Variants in ATP9A observed in about 807,000 individuals in gnomAD.
ATP9A encodes probable phospholipid-transporting ATPase IIA.
In ATP9A, 52 loss-of-function variants were observed where a neutral mutation model predicts 144.1. The ratio of observed to expected loss-of-function variants is 0.36; its 90% CI spans 0.29 to 0.45. ATP9A has a LOEUF of 0.45. Among genes scored for constraint, ATP9A ranks in the 20% least tolerant of loss-of-function variants. The pLI, the probability that ATP9A is intolerant of heterozygous loss-of-function variation, is 1.00. For missense variants in ATP9A, 947 were observed against 1,392.7 expected, an observed-to-expected ratio of 0.68 and a Z score of 5.09; for synonymous variants, 582 against 557.4, an observed-to-expected ratio of 1.04 and a Z score of -0.62.
chr20:51,659,773 T>C (rs2077403608), intron 13 of ATP9A, among the ~76,000 whole-genome samples: 1 of 152,238 alleles, frequency 6.6e-6, no homozygotes, highest in South Asian at 2.1e-4. Context: ...AATTTTTTAA[T>C]ACTATTTTTA....
intron 1 of ATP9A, among the ~76,000 whole-genome samples, chr20:51,750,764 G>A (rs182427380): frequency 1.0e-3 from 159 of 152,250 alleles, no homozygotes; most frequent in African/African-American, 3.8e-3. Context: ...CCTCTTAGCT[G>A]GAGTCTGGCA....
At chr20:51,762,275 C>T (rs1445166943) in intron 1 of ATP9A, among the ~76,000 whole-genome samples, 1 of 151,944 alleles carries the variant, frequency 6.6e-6, no homozygotes, top group Non-Finnish European at 1.5e-5. Context: ...CCAAGGTGAG[C>T]GGATCATGAG....
chr20:51,670,133 G>A (rs768595554), intron 12 of ATP9A, 24 bp from the exon 13 acceptor site: 7 of 1,557,280 alleles, frequency 4.5e-6, no homozygotes, highest in Non-Finnish European at 6.2e-6. Flanking sequence ...CAAATGAGTG[G>A]CCGGCCTGTC....
intron 13 of ATP9A, among the ~76,000 whole-genome samples, chr20:51,664,300 A>C (rs1246704593): frequency 6.6e-6 from 1 of 152,150 alleles, no homozygotes; most frequent in Non-Finnish European, 1.5e-5. Flanking sequence ...AAAAATGAAA[A>C]ACAGGGCTGG....
chr20:51,622,193 A>T (rs2077229754), intron 18 of ATP9A, 21 bp from the exon 19 acceptor site: 1 of 1,606,186 alleles, frequency 6.2e-7, no homozygotes, highest in African/African-American at 1.3e-5. Context: ...GGCGTGACAG[A>T]GGTCCTGTTT....
At chr20:51,664,633 T>C (rs368174795) in intron 13 of ATP9A, among the ~76,000 whole-genome samples, 3 of 151,904 alleles carry the variant, frequency 2.0e-5, no homozygotes, top group African/African-American at 4.8e-5. Context: ...AAATGAAAAA[T>C]AGCATTTCTC....
chr20:51,739,282 G>A (rs541912319), intron 1 of ATP9A, among the ~76,000 whole-genome samples: 18 of 151,570 alleles, frequency 1.2e-4, no homozygotes, highest in African/African-American at 2.7e-4. Context: ...TTCCAAGTAC[G>A]TCCTTTCTTA....
chr20:51,703,268 T>G (rs1163897301), intron 4 of ATP9A, among the ~76,000 whole-genome samples: 2 of 152,170 alleles, frequency 1.3e-5, no homozygotes, highest in African/African-American at 4.8e-5. Flanking sequence ...TCTTATAAAG[T>G]GCACAGGAAA....
intron 14 of ATP9A, among the ~76,000 whole-genome samples, chr20:51,651,402 T>TACATATTATAAATATGCATATC (rs1190292249): frequency 6.9e-6 from 1 of 144,542 alleles, no homozygotes; most frequent in Non-Finnish European, 1.5e-5. Context: ...TGTAAATATT[T>TACATATTATAAATATGCATATC]ACATATTATA....
In ATP9A at chr20:51,605,830, T is replaced by C. The variant is rs1041230379; in HGVS notation, c.2804-810A>G. The stretch of plus-strand genomic sequence containing the variant: ...CGGGAGGCTGAGGCACGAGAATTTC[T>C]TAAACCTGGGAGGTGGAAGTTGCAG... On this transcript the variant is annotated intron_variant, in intron 26 of 27. Coordinates refer to ENST00000338821, the MANE Select transcript of ATP9A (RefSeq NM_006045.3). Among the ~76,000 whole-genome samples, 6 of 151,624 alleles carry C rather than the reference T, an allele frequency of 4.0e-5. No homozygotes were observed. The East Asian group carries it at 7.7e-4, about 20-fold the overall frequency.
At chr20:51,671,352 C>T (rs2077455265) in intron 11 of ATP9A, 95 bp from the exon 12 acceptor site, 17 of 1,408,762 alleles carry the variant, frequency 1.2e-5, no homozygotes, top group Non-Finnish European at 1.5e-5. Flanking sequence ...TGTGCCATCG[C>T]ATCCGGACTC....
chr20:51,625,814 G>T (rs1271314765), intron 17 of ATP9A, among the ~76,000 whole-genome samples: 1 of 152,214 alleles, frequency 6.6e-6, no homozygotes, highest in Admixed American at 6.5e-5. Context: ...CCAAACTGCC[G>T]CTTCTTCTCT....
intron 1 of ATP9A, among the ~76,000 whole-genome samples, chr20:51,737,906 G>A (rs1238965523): frequency 6.6e-6 from 1 of 152,034 alleles, no homozygotes; most frequent in Non-Finnish European, 1.5e-5. Context: ...CTATCTATAT[G>A]CTATACTCTA....
intron 13 of ATP9A, among the ~76,000 whole-genome samples, chr20:51,663,195 G>A (rs1193953927): frequency 6.6e-6 from 1 of 152,094 alleles, no homozygotes; most frequent in Non-Finnish European, 1.5e-5. Context: ...GTCAACTCTA[G>A]TTAAAAAAGA....
chr20:51,745,221 C>T (rs2077802690), intron 1 of ATP9A, among the ~76,000 whole-genome samples: 1 of 146,570 alleles, frequency 6.8e-6, no homozygotes, highest in South Asian at 2.2e-4. Flanking sequence ...GAGCCAAGAT[C>T]ATGCCACTGC....
chr20:51,731,166 T>C (rs1018711770), intron 1 of ATP9A, among the ~76,000 whole-genome samples: 3 of 151,690 alleles, frequency 2.0e-5, no homozygotes, highest in African/African-American at 7.3e-5. Context: ...TAGCCAGGCA[T>C]GGTGGCAGGC....
In ATP9A at chr20:51,753,481, C is replaced by CAAA. The variant is rs1229007801; in HGVS notation, c.68+14820_68+14821insTTT. Among the ~76,000 whole-genome samples, 145 of 142,676 alleles carry CAAA rather than the reference C, an allele frequency of 1.0e-3. 3 individuals carry two copies. The highest frequency in any genetic ancestry group is 2.6e-3 in the Admixed American group (38 of 14,824). 93.6% of individuals were successfully genotyped at this position (142,676 alleles called of 152,430 possible). A position where few individuals can be genotyped will look rare whatever the true frequency, so the allele number is the denominator to read the frequency against. ...ACAACAACAACAACAACAACAACAACAACAACAAACCCACGTTCTACATGG... is the reference window on the plus strand; with the variant it reads ...ACAACAACAACAACAACAACAACAACAAAAACAACAAACCCACGTTCTACATGG... On this transcript the variant is annotated intron_variant, in intron 1 of 27. Transcript: ENST00000338821.
intron 3 of ATP9A, among the ~76,000 whole-genome samples, chr20:51,714,333 C>T (rs961421181): frequency 1.3e-5 from 2 of 151,620 alleles, no homozygotes; most frequent in Non-Finnish European, 2.9e-5. Context: ...CAGGTGTGTG[C>T]GCCACCATGC....
intron 9 of ATP9A, among the ~76,000 whole-genome samples, chr20:51,686,187 T>C (rs749528406): frequency 2.0e-5 from 3 of 151,290 alleles, no homozygotes; most frequent in Admixed American, 6.6e-5. Context: ...GGACACAGGG[T>C]GGGGAACATC....
Sources: allele counts gnomAD v4.1 joint callset (sites outside exome capture counted in the v4.1 genomes callset), GRCh38; gene constraint gnomAD v4.1.1; transcripts MANE v1.5; gene names NCBI Gene and HGNC (gene_info 2026-07-23, HGNC 2026-07-21).